FSTL5: variants seen among roughly 807,000 people sequenced by gnomAD.
The protein encoded by FSTL5 is follistatin-related protein 5.
FSTL5 carries 62 observed loss-of-function variants against 89.1 expected under a neutral mutation model. The observed-to-expected ratio is 0.70, with a 90% CI of 0.57 to 0.86. The LOEUF is 0.86. Among genes scored for constraint, FSTL5 ranks in the 40% least tolerant of loss-of-function variants. The pLI is 0.00. For missense variants in FSTL5, 1,057 were observed against 1,001.6 expected, an observed-to-expected ratio of 1.06 and a Z score of -0.75; for synonymous variants, 383 against 346.2, an observed-to-expected ratio of 1.11 and a Z score of -1.18.
intron 4 of FSTL5, among the ~76,000 whole-genome samples, chr4:161,889,614 A>G (rs968759403): frequency 6.6e-6 from 1 of 152,232 alleles, no homozygotes; most frequent in Non-Finnish European, 1.5e-5. Context: ...ATTGCACTCC[A>G]GCCTGAGCGA....
intron 1 of FSTL5, among the ~76,000 whole-genome samples, chr4:162,122,622 GAAC>G (rs1731914038): frequency 6.6e-6 from 1 of 151,740 alleles, no homozygotes; most frequent in African/African-American, 2.4e-5. Context: ...AAAATTTAAG[GAAC>G]AACATCTGTA....
chr4:161,611,454 C>G (rs890082709), intron 7 of FSTL5, among the ~76,000 whole-genome samples: 3 of 151,730 alleles, frequency 2.0e-5, no homozygotes, highest in African/African-American at 7.3e-5. Flanking sequence ...TATAGTAAAG[C>G]CTTATCACTA....
chr4:162,115,197 A>G (rs1366092317), intron 1 of FSTL5, among the ~76,000 whole-genome samples: 1 of 152,104 alleles, frequency 6.6e-6, no homozygotes, highest in Non-Finnish European at 1.5e-5. Context: ...TTTTTTCTTC[A>G]TTGAAATATT....
intron 4 of FSTL5, among the ~76,000 whole-genome samples, chr4:161,840,286 T>C (rs765852064): frequency 1.3e-5 from 2 of 152,142 alleles, no homozygotes; most frequent in Non-Finnish European, 2.9e-5. Flanking sequence ...AAGTGGAATT[T>C]ATGTTTTCAA....
chr4:161,423,484 A>G (rs4368565), intron 15 of FSTL5, among the ~76,000 whole-genome samples: 23,737 of 152,076 alleles, frequency 0.16, 2,001 homozygotes, highest in East Asian at 0.24. Context: ...TTTGAAATGG[A>G]ATAATTCTCT....
At chr4:161,742,010 G>A (rs1207825935) in intron 6 of FSTL5, among the ~76,000 whole-genome samples, 1 of 152,120 alleles carries the variant, frequency 6.6e-6, no homozygotes. Context: ...TTAGTGTTAT[G>A]ACTTAAGGTG....
intron 6 of FSTL5, among the ~76,000 whole-genome samples, chr4:161,755,335 T>C (rs1579069901): frequency 6.6e-6 from 1 of 152,056 alleles, no homozygotes; most frequent in African/African-American, 2.4e-5. Flanking sequence ...GAAAAACACA[T>C]TATGTCTACT....
At chr4:162,082,748 C>A (rs944029708) in intron 2 of FSTL5, among the ~76,000 whole-genome samples, 4 of 151,442 alleles carry the variant, frequency 2.6e-5, no homozygotes, top group Non-Finnish European at 5.9e-5. Context: ...ACATATACAT[C>A]TTCTGATGTC....
At chr4:161,501,678 C>T (rs11100372) in intron 11 of FSTL5, among the ~76,000 whole-genome samples, 39,725 of 151,656 alleles carry the variant, frequency 0.26, 6,058 homozygotes, top group South Asian at 0.42. Flanking sequence ...TGCATAAAGA[C>T]GGAATATTCC....
At chr4:161,565,667 C>A (rs1419149616) in intron 8 of FSTL5, among the ~76,000 whole-genome samples, 1 of 150,442 alleles carries the variant, frequency 6.6e-6, no homozygotes, top group Non-Finnish European at 1.5e-5. Flanking sequence ...CATGAAAACA[C>A]TTAATTGTTA....
chr4:162,121,296 G>C (rs1452483932), intron 1 of FSTL5, among the ~76,000 whole-genome samples: 1 of 151,644 alleles, frequency 6.6e-6, no homozygotes, highest in Non-Finnish European at 1.5e-5. Context: ...CAGTAGGCTG[G>C]GACTTCAAAT....
intron 3 of FSTL5, among the ~76,000 whole-genome samples, chr4:161,980,052 A>AAAGT (rs1735771554): frequency 6.7e-6 from 1 of 149,338 alleles, no homozygotes; most frequent in African/African-American, 2.5e-5. Flanking sequence ...TGAAGGAAAG[A>AAAGT]AAGAGAAAAA....
intron 10 of FSTL5, among the ~76,000 whole-genome samples, chr4:161,513,272 G>GGAGGGAGAGAGAGAGA (rs1730708094): frequency 9.1e-6 from 1 of 109,978 alleles, no homozygotes; most frequent in Non-Finnish European, 1.8e-5. Context: ...ACAAGGAGGG[G>GGAGGGAGAGAGAGAGA]GAGAGAGAGA....
At chr4:161,788,845 C>T (rs1742010775) in intron 4 of FSTL5, among the ~76,000 whole-genome samples, 1 of 152,148 alleles carries the variant, frequency 6.6e-6, no homozygotes, top group Non-Finnish European at 1.5e-5. Context: ...TTACAGTGAG[C>T]CACGATTGTG....
At chr4:161,948,713 G>C (rs750025312) in intron 3 of FSTL5, among the ~76,000 whole-genome samples, 1 of 151,898 alleles carries the variant, frequency 6.6e-6, no homozygotes, top group Non-Finnish European at 1.5e-5. Context: ...CTCCCAAAGT[G>C]CTAAGATTAC....
At chr4:161,697,664 C>A (rs1471468155) in intron 6 of FSTL5, among the ~76,000 whole-genome samples, 1 of 152,048 alleles carries the variant, frequency 6.6e-6, no homozygotes, top group Admixed American at 6.6e-5. Flanking sequence ...GAATACTATT[C>A]ATCCATAAAA....
Position 162,145,331 on chromosome 4 carries a change from GTATGATAGAAA to G in FSTL5, c.-17+18273_-17+18283del, listed in dbSNP as rs1470085081. Among the ~76,000 whole-genome samples the G allele has an allele frequency of 6.6e-5, 10 of 152,108 alleles. No homozygotes were observed. The East Asian group carries it at 1.9e-3, about 29-fold the overall frequency. On this transcript the variant is annotated intron_variant, in intron 1 of 15. Transcript: ENST00000306100. Reference sequence around the variant, plus strand: ...AGCGTAAGTGGGATGTTACTGATAGGTATGATAGAAATACAATTCTATTTTCAAAATATCTA... The same window carrying G: ...AGCGTAAGTGGGATGTTACTGATAGGTACAATTCTATTTTCAAAATATCTA...
rs559353219 is a variant in FSTL5, at chr4:161,794,542, C to G, written c.410-18468G>C. Among the ~76,000 whole-genome samples the G allele has an allele frequency of 1.2e-3, 185 of 152,226 alleles. 1 individual carries two copies. Among genetic ancestry groups the G allele is most frequent in the Non-Finnish European group, 2.2e-3 (152 of 67,992 alleles). ...TATCAATGAATTGCCTCACAGGTAT[C>G]ATTCACTTTTAATGCCCTGTATACA... is the stretch of plus-strand genomic sequence containing the variant. On this transcript the variant is annotated intron_variant, in intron 4 of 15. Transcript: ENST00000306100.
intron 15 of FSTL5, among the ~76,000 whole-genome samples, chr4:161,424,937 T>C (rs530596248): frequency 6.6e-6 from 1 of 152,234 alleles, no homozygotes; most frequent in Non-Finnish European, 1.5e-5. Flanking sequence ...TGTTAACCAA[T>C]TGGCTTTTTC....
Sources: allele counts gnomAD v4.1 joint callset (sites outside exome capture counted in the v4.1 genomes callset), GRCh38; gene constraint gnomAD v4.1.1; transcripts MANE v1.5; gene names NCBI Gene and HGNC (gene_info 2026-07-23, HGNC 2026-07-21).